Variants in CDKAL1 observed in about 807,000 individuals in gnomAD.
CDKAL1 encodes the protein CDKAL1 threonylcarbamoyladenosine tRNA methylthiotransferase, also known as threonylcarbamoyladenosine tRNA methylthiotransferase.
In CDKAL1, 32 loss-of-function variants were observed where a neutral mutation model predicts 68.2. The observed-to-expected ratio is 0.47, with a 90% CI of 0.35 to 0.63. The LOEUF (loss-of-function observed/expected upper bound fraction) is 0.63, where lower values mean the gene tolerates loss of function less well. CDKAL1 is among the 30% of genes least tolerant of loss of function. The pLI is 0.00. For missense variants in CDKAL1, 606 were observed against 696.7 expected, an observed-to-expected ratio of 0.87 and a Z score of 1.47; for synonymous variants, 234 against 244.3, an observed-to-expected ratio of 0.96 and a Z score of 0.39.
At chr6:20,955,265 G>A (rs1021561353) in intron 9 of CDKAL1, among the ~76,000 whole-genome samples, 154 bp from the exon 10 acceptor site, 2 of 152,154 alleles carry the variant, frequency 1.3e-5, no homozygotes, top group African/African-American at 2.4e-5. Context: ...TAACCCACTG[G>A]CACCATGGGA....
intron 13 of CDKAL1, among the ~76,000 whole-genome samples, chr6:21,142,685 C>G: frequency 6.6e-6 from 1 of 152,068 alleles, no homozygotes; most frequent in East Asian, 1.9e-4. Flanking sequence ...GACCAAAGTA[C>G]GAATAGAATG....
At chr6:21,177,493 T>C (rs989993539) in intron 13 of CDKAL1, among the ~76,000 whole-genome samples, 1 of 152,170 alleles carries the variant, frequency 6.6e-6, no homozygotes, top group Non-Finnish European at 1.5e-5. Context: ...GAAGCCTCAG[T>C]TTATGAGTTT....
chr6:21,176,688 TTTTTTTTG>T (rs1777588049), intron 13 of CDKAL1, among the ~76,000 whole-genome samples: 1 of 134,560 alleles, frequency 7.4e-6, no homozygotes, highest in African/African-American at 2.9e-5. Context: ...GTTGGTTTTT[TTTTTTTTG>T]TTTTTTTTTT....
chr6:20,775,326 G>T (rs1410332745), intron 7 of CDKAL1, among the ~76,000 whole-genome samples: 1 of 151,732 alleles, frequency 6.6e-6, no homozygotes, highest in Admixed American at 6.6e-5. Flanking sequence ...ATATTGTTTT[G>T]CTTTCTTTCT....
chr6:21,229,507 C>G (rs942400486), intron 15 of CDKAL1, among the ~76,000 whole-genome samples: 3 of 152,174 alleles, frequency 2.0e-5, no homozygotes, highest in African/African-American at 4.8e-5. Flanking sequence ...TGCTGAGATG[C>G]AGCTTCCCAA....
intron 4 of CDKAL1, among the ~76,000 whole-genome samples, chr6:20,557,041 C>CAAAAAAAAAAAAAAAA: frequency 8.3e-6 from 1 of 121,106 alleles, no homozygotes; most frequent in East Asian, 2.8e-4. Flanking sequence ...GTCTCCATCT[C>CAAAAAAAAAAAAAAAA]AAAAAAAAAA....
intron 4 of CDKAL1, among the ~76,000 whole-genome samples, chr6:20,591,522 A>G (rs970401128): frequency 6.6e-6 from 1 of 151,960 alleles, no homozygotes; most frequent in African/African-American, 2.4e-5. Context: ...TCTTGAGTTA[A>G]TTTTTCTATA....
intron 5 of CDKAL1, among the ~76,000 whole-genome samples, chr6:20,661,899 T>A (rs951559289): frequency 2.0e-5 from 3 of 152,186 alleles, no homozygotes; most frequent in Non-Finnish European, 4.4e-5. Flanking sequence ...AATATATGTG[T>A]TGGCTGTTGT....
chr6:21,020,774 CTT>C (rs60084439), intron 11 of CDKAL1, among the ~76,000 whole-genome samples: 24 of 132,768 alleles, frequency 1.8e-4, no homozygotes, highest in Admixed American at 3.1e-4. Flanking sequence ...GCCTTTTTTC[CTT>C]TTTTTTTTTT....
chr6:20,835,496 CTT>C (rs1777896420), intron 8 of CDKAL1, among the ~76,000 whole-genome samples: 2 of 151,058 alleles, frequency 1.3e-5, no homozygotes, highest in African/African-American at 4.9e-5. Flanking sequence ...CTTGTCTTGT[CTT>C]GTCTTGTCTT....
chr6:20,781,024 C>T lies in CDKAL1; in HGVS notation c.518-121C>T, dbSNP rs937982851. ...CTGAAGTTTAAATGATCACACTTCACTCTTCTATGTTGTTTCCCCTGCTCC... is the reference window on the plus strand; with the variant it reads ...CTGAAGTTTAAATGATCACACTTCATTCTTCTATGTTGTTTCCCCTGCTCC... On this transcript the variant is annotated intron_variant, in intron 7 of 15. Transcript: ENST00000274695. The T allele has an allele frequency of 3.1e-6, 3 of 957,512 alleles. No individual in the cohort carries two copies. The African/African-American group carries it at 5.0e-5, about 16-fold the overall frequency. 59.3% of individuals were successfully genotyped at this position (957,512 alleles called of 1,614,324 possible). A position where few individuals can be genotyped will look rare whatever the true frequency, so the allele number is the denominator to read the frequency against.
At chr6:21,106,020 G>A (rs1773826757) in intron 12 of CDKAL1, among the ~76,000 whole-genome samples, 1 of 152,158 alleles carries the variant, frequency 6.6e-6, no homozygotes, top group Admixed American at 6.5e-5. Flanking sequence ...CTCTTGCTGA[G>A]GGGACAAATT....
At chr6:20,924,406 C>T (rs528020833) in intron 9 of CDKAL1, among the ~76,000 whole-genome samples, 8 of 147,662 alleles carry the variant, frequency 5.4e-5, no homozygotes, top group Non-Finnish European at 1.0e-4. Flanking sequence ...TGTCAAAAGC[C>T]GGCAGGCTGA....
At chr6:20,572,803 A>C (rs933013475) in intron 4 of CDKAL1, among the ~76,000 whole-genome samples, 23 of 152,294 alleles carry the variant, frequency 1.5e-4, no homozygotes, top group Middle Eastern at 3.4e-3. Flanking sequence ...ATGGAAAAAA[A>C]AAATCAAGCT....
intron 2 of CDKAL1, among the ~76,000 whole-genome samples, chr6:20,541,843 A>G (rs1331044637): frequency 2.6e-5 from 4 of 152,158 alleles, no homozygotes; most frequent in Non-Finnish European, 5.9e-5. Context: ...TATTTTTAGT[A>G]GAGACAGGGT....
chr6:20,834,875 T>C (rs1561816666), intron 8 of CDKAL1, among the ~76,000 whole-genome samples: 1 of 152,308 alleles, frequency 6.6e-6, no homozygotes, highest in East Asian at 1.9e-4. Context: ...TTCTCTCTTG[T>C]CTAGCCTTTC....
intron 15 of CDKAL1, among the ~76,000 whole-genome samples, chr6:21,221,220 C>T (rs1335499990): frequency 6.6e-6 from 1 of 151,982 alleles, no homozygotes; most frequent in Non-Finnish European, 1.5e-5. Context: ...ATTTTGTATT[C>T]AATACCAGAA....
chr6:21,022,606 T>C (rs2150863422), intron 11 of CDKAL1, among the ~76,000 whole-genome samples: 1 of 152,218 alleles, frequency 6.6e-6, no homozygotes, highest in East Asian at 1.9e-4. Context: ...CTTTTGTGTG[T>C]GAGGAGGGAA....
At chr6:20,860,920 C>T (rs1360798608) in intron 9 of CDKAL1, among the ~76,000 whole-genome samples, 2 of 142,292 alleles carry the variant, frequency 1.4e-5, no homozygotes, top group East Asian at 2.1e-4. Flanking sequence ...AAACATTCTG[C>T]GTAGTGTGGT....
Sources: allele counts gnomAD v4.1 joint callset (sites outside exome capture counted in the v4.1 genomes callset), GRCh38; gene constraint gnomAD v4.1.1; transcripts MANE v1.5; gene names NCBI Gene and HGNC (gene_info 2026-07-23, HGNC 2026-07-21).